The following CCDC146 variants were observed in gnomAD, a reference collection of about 807,000 sequenced individuals.
CCDC146 encodes the protein coiled-coil domain containing 146.
In CCDC146, 92 loss-of-function variants were observed where a neutral mutation model predicts 119.3. The observed-to-expected ratio is 0.77, with a 90% CI of 0.65 to 0.92. CCDC146 has a LOEUF of 0.92. Among genes scored for constraint, CCDC146 ranks in the 40% least tolerant of loss-of-function variants. The pLI is 0.00. For missense variants in CCDC146, 1,000 were observed against 1,103.0 expected (o/e 0.91, Z 1.32); for synonymous variants, 372 against 371.8 (o/e 1.00, Z -0.01).
intron 15 of CCDC146, among the ~76,000 whole-genome samples, chr7:77,283,491 C>A (rs932134377): frequency 6.6e-6 from 1 of 151,876 alleles, no homozygotes; most frequent in East Asian, 1.9e-4. Context: ...CAAATTCTAA[C>A]CTATAATATT....
intron 4 of CCDC146, among the ~76,000 whole-genome samples, chr7:77,245,152 T>G (rs1182736679): frequency 6.6e-6 from 1 of 152,240 alleles, no homozygotes; most frequent in East Asian, 1.9e-4. Flanking sequence ...GGTTAGTAAT[T>G]AAATCTATGT....
rs184811814 is a variant in CCDC146 at position 77,244,659 on chromosome 7, G to A, written c.449+2759G>A. Among the ~76,000 whole-genome samples the A allele has an allele frequency of 2.9e-3, 449 of 152,272 alleles. 2 individuals are homozygous for A. The highest frequency in any genetic ancestry group is 0.01 in the African/African-American group (430 of 41,552). On this transcript the variant is annotated intron_variant, in intron 4 of 18. Coordinates refer to ENST00000285871, the MANE Select transcript of CCDC146 (RefSeq NM_020879.3). The stretch of plus-strand genomic sequence containing the variant: ...GATGTGTAGTAGGCTACACCACATA[G>A]GTTTGTGTAAGTGCACTCCGTGATG...
intron 2 of CCDC146, among the ~76,000 whole-genome samples, chr7:77,230,773 T>G (rs1041048600): frequency 1.3e-5 from 2 of 152,146 alleles, no homozygotes; most frequent in Admixed American, 1.3e-4. Context: ...ATTTGCAAAG[T>G]TTTTTATTTC....
rs199607162 is a variant in CCDC146, at chr7:77,200,593, A to AGT, written c.156+32772_156+32773dup. ...CAAATGTGAATCTTTGAGCTATGCC[A>AGT]GTGTCTGTCCTGAACTTCTCTTGCC... On this transcript the variant is annotated intron_variant, in intron 2 of 18. Coordinates refer to ENST00000285871, the MANE Select transcript of CCDC146 (RefSeq NM_020879.3). 5.4e-3 allele frequency among the ~76,000 whole-genome samples: 816 copies of AGT among 152,318 alleles called. 23 individuals carry two copies. The highest frequency in any genetic ancestry group is 0.046 in the Admixed American group (704 of 15,304).
chr7:77,238,197 C>T (rs966020084), intron 3 of CCDC146, among the ~76,000 whole-genome samples: 3 of 152,182 alleles, frequency 2.0e-5, no homozygotes, highest in Non-Finnish European at 4.4e-5. Flanking sequence ...ACCCCCACAC[C>T]TAATGGAGGT....
intron 2 of CCDC146, among the ~76,000 whole-genome samples, chr7:77,215,818 G>A (rs896330786): frequency 6.6e-6 from 1 of 151,840 alleles, no homozygotes; most frequent in Non-Finnish European, 1.5e-5. Flanking sequence ...TTGTCCTTAG[G>A]GCAAAATCTA....
chr7:77,181,550 A>G (rs370981744), intron 2 of CCDC146, among the ~76,000 whole-genome samples: 1 of 152,240 alleles, frequency 6.6e-6, no homozygotes, highest in South Asian at 2.1e-4. Context: ...GCCTTAGTAC[A>G]TGTACGGTCT....
intron 2 of CCDC146, among the ~76,000 whole-genome samples, chr7:77,168,301 G>A (rs1250245007): frequency 6.6e-6 from 1 of 151,610 alleles, no homozygotes; most frequent in Non-Finnish European, 1.5e-5. Flanking sequence ...TTCTCATTAT[G>A]TGAACTTTAA....
At chr7:77,278,334 A>G (rs1793691010) in intron 11 of CCDC146, among the ~76,000 whole-genome samples, 1 of 151,968 alleles carries the variant, frequency 6.6e-6, no homozygotes, top group Admixed American at 6.6e-5. Flanking sequence ...AACAGTTAAC[A>G]GTTTGTCTTA....
At chr7:77,198,153 C>T (rs1791911094) in intron 2 of CCDC146, 2 of 985,276 alleles carry the variant, frequency 2.0e-6, no homozygotes, top group Non-Finnish European at 2.4e-6. Flanking sequence ...CGCAGTGTGC[C>T]AGGTACATTC....
At chr7:77,164,353 A>ATAAG (rs1791310767) in intron 1 of CCDC146, among the ~76,000 whole-genome samples, 1 of 152,136 alleles carries the variant, frequency 6.6e-6, no homozygotes, top group South Asian at 2.1e-4. Flanking sequence ...TAAGCAATAA[A>ATAAG]CTGTGATTAC....
chr7:77,289,089 TCA>T (rs368804999), intron 17 of CCDC146, among the ~76,000 whole-genome samples: 344 of 146,088 alleles, frequency 2.4e-3, no homozygotes, highest in African/African-American at 8.2e-3. Flanking sequence ...AAGTTGTGAG[TCA>T]CACGTCTGCC....
chr7:77,210,112 C>A (rs888992599), intron 2 of CCDC146, among the ~76,000 whole-genome samples: 4 of 152,296 alleles, frequency 2.6e-5, no homozygotes, highest in Non-Finnish European at 5.9e-5. Context: ...CTGGATTTTT[C>A]TTTTCTACCA....
At chr7:77,129,001 C>T (rs2539124) in intron 1 of CCDC146, among the ~76,000 whole-genome samples, 1 of 152,078 alleles carries the variant, frequency 6.6e-6, no homozygotes, top group Admixed American at 6.5e-5. Context: ...TTTGAAACTA[C>T]GTAAGTAACA....
chr7:77,145,018 G>A lies in CCDC146; in HGVS notation c.-12+22286G>A, dbSNP rs1457792240. Among the ~76,000 whole-genome samples, 8 of 151,802 alleles carry A rather than the reference G, an allele frequency of 5.3e-5. No individual in the cohort carries two copies. The East Asian group carries it at 7.7e-4, about 15-fold the overall frequency. ...GTACCAGCTCCTCCTAGTACCTCTGGTAGAATTCGGCTGTGAATCCGTCTG... is the reference window on the plus strand; with the variant it reads ...GTACCAGCTCCTCCTAGTACCTCTGATAGAATTCGGCTGTGAATCCGTCTG... On this transcript the variant is annotated intron_variant, in intron 1 of 18. Transcript: ENST00000285871.
chr7:77,164,490 A>C (rs1264772552), intron 1 of CCDC146, among the ~76,000 whole-genome samples: 2 of 152,238 alleles, frequency 1.3e-5, no homozygotes. Context: ...GGCTATTAAC[A>C]TCACATAACA....
intron 2 of CCDC146, among the ~76,000 whole-genome samples, chr7:77,189,448 C>G (rs991152140): frequency 7.9e-5 from 12 of 152,168 alleles, no homozygotes; most frequent in African/African-American, 2.7e-4. Context: ...AACTGATGTC[C>G]TTGCTTCAAT....
intron 4 of CCDC146, among the ~76,000 whole-genome samples, chr7:77,250,563 G>A (rs1793037754): frequency 6.6e-6 from 1 of 152,096 alleles, no homozygotes; most frequent in Non-Finnish European, 1.5e-5. Context: ...TTCCTCCATA[G>A]GTAAGTGTGT....
At chr7:77,256,654 C>T (rs1420264412) in intron 6 of CCDC146, 145 bp downstream of exon 6, 7 of 655,600 alleles carry the variant, frequency 1.1e-5, no homozygotes, top group Middle Eastern at 5.1e-4. Flanking sequence ...TCCTATCAAA[C>T]TAAATCTAGG....
Sources: allele counts gnomAD v4.1 joint callset (sites outside exome capture counted in the v4.1 genomes callset), GRCh38; gene constraint gnomAD v4.1.1; transcripts MANE v1.5; gene names NCBI Gene and HGNC (gene_info 2026-07-23, HGNC 2026-07-21).